The following MAML3 variants were observed in gnomAD, a reference collection of about 807,000 sequenced individuals.
MAML3 encodes the protein mastermind like transcriptional coactivator 3, also known as mastermind-like protein 3.
MAML3 carries 27 observed loss-of-function variants against 101.9 expected under a neutral mutation model. That is an observed-to-expected ratio of 0.27 (90% CI 0.20 to 0.37). MAML3 has a LOEUF of 0.37. Ranked by LOEUF, MAML3 falls within the 10% of genes least tolerant of loss-of-function variation. The pLI, the probability that MAML3 is intolerant of heterozygous loss-of-function variation, is 1.00. For missense variants in MAML3, 1,316 were observed against 1,444.9 expected (o/e 0.91, Z 1.45); for synonymous variants, 501 against 555.9 (o/e 0.90, Z 1.39).
intron 1 of MAML3, among the ~76,000 whole-genome samples, chr4:140,117,590 A>G (rs1728535812): frequency 6.6e-6 from 1 of 151,938 alleles, no homozygotes; most frequent in African/African-American, 2.4e-5. Flanking sequence ...TGGGTGACAG[A>G]GCGAGACCCT....
intron 1 of MAML3, among the ~76,000 whole-genome samples, chr4:140,109,605 T>A (rs1365166131): frequency 6.6e-6 from 1 of 152,170 alleles, no homozygotes; most frequent in Non-Finnish European, 1.5e-5. Context: ...TTCATCTTAT[T>A]AATAAAAAGT....
intron 1 of MAML3, among the ~76,000 whole-genome samples, chr4:139,941,183 C>T: frequency 6.6e-6 from 1 of 152,176 alleles, no homozygotes; most frequent in East Asian, 1.9e-4. Context: ...TTATTGGCAA[C>T]ACATACTGCC....
intron 1 of MAML3, among the ~76,000 whole-genome samples, chr4:139,936,752 T>C (rs1733513069): frequency 6.6e-6 from 1 of 152,186 alleles, no homozygotes; most frequent in Non-Finnish European, 1.5e-5. Context: ...ATATCTTTGT[T>C]TGCCCTTACC....
chr4:139,869,284 A>C (rs795985), intron 2 of MAML3, among the ~76,000 whole-genome samples: 125,992 of 152,180 alleles, frequency 0.83, 52,677 homozygotes, highest in African/African-American at 0.95. Flanking sequence ...TCTACTCTTT[A>C]CTCCAGTTGA....
intron 1 of MAML3, among the ~76,000 whole-genome samples, chr4:140,097,047 G>A (rs1010906652): frequency 6.6e-6 from 1 of 152,134 alleles, no homozygotes; most frequent in African/African-American, 2.4e-5. Context: ...CCCACCAAGA[G>A]TGCACAGCCT....
At position 139,872,220 on chromosome 4, in the gene MAML3, T is replaced by A. The variant is rs7686164; in HGVS notation, c.2079+17137A>T. The stretch of plus-strand genomic sequence containing the variant: ...TATGCTGTTATTATTTTAAAAAAAA[T>A]TTTTTAATCCAGCTTTTAGTAGAGG... On this transcript the variant is annotated intron_variant, in intron 2 of 4. Coordinates refer to ENST00000509479, the MANE Select transcript of MAML3 (RefSeq NM_018717.5). Among the ~76,000 whole-genome samples, 363 of 139,286 alleles carry A rather than the reference T, an allele frequency of 2.6e-3. 3 individuals carry two copies. Among genetic ancestry groups the A allele is most frequent in the African/African-American group, 9.7e-3 (333 of 34,496 alleles). The allele number at this position is 139,286 out of a possible 152,430, so 91.4% of individuals were successfully genotyped here. A position where few individuals can be genotyped will look rare whatever the true frequency, so the allele number is the denominator to read the frequency against.
chr4:140,138,115 C>T (rs976851906), intron 1 of MAML3, among the ~76,000 whole-genome samples: 2 of 152,176 alleles, frequency 1.3e-5, no homozygotes, highest in African/African-American at 4.8e-5. Context: ...GCCAGACATC[C>T]CTGATTGTCA....
At chr4:139,766,354 T>C (rs895690409) in intron 2 of MAML3, among the ~76,000 whole-genome samples, 1 of 152,174 alleles carries the variant, frequency 6.6e-6, no homozygotes, top group Non-Finnish European at 1.5e-5. Context: ...ATATTTTTAG[T>C]AGAGACGGGG....
At chr4:140,131,607 T>TA (rs1364929708) in intron 1 of MAML3, among the ~76,000 whole-genome samples, 1 of 152,218 alleles carries the variant, frequency 6.6e-6, no homozygotes, top group Non-Finnish European at 1.5e-5. Context: ...TTCTGGGTAA[T>TA]AGTCAACATC....
chr4:140,072,962 A>G (rs1326456891), intron 1 of MAML3, among the ~76,000 whole-genome samples: 1 of 152,096 alleles, frequency 6.6e-6, no homozygotes, highest in African/African-American at 2.4e-5. Flanking sequence ...CAATATGAGC[A>G]TTTCCTGGGT....
At chr4:139,782,365 C>T (rs1024407018) in intron 2 of MAML3, among the ~76,000 whole-genome samples, 7 of 152,060 alleles carry the variant, frequency 4.6e-5, no homozygotes, top group African/African-American at 1.2e-4. Context: ...GGGGGTCTCA[C>T]TATGTTGCCC....
At chr4:139,944,727 T>G (rs1454337173) in intron 1 of MAML3, among the ~76,000 whole-genome samples, 48 of 146,082 alleles carry the variant, frequency 3.3e-4, no homozygotes, top group African/African-American at 1.1e-3. Context: ...ATCAGAGAAA[T>G]GCAAATCAAA....
chr4:140,049,934 C>A (rs1727240894), intron 1 of MAML3, among the ~76,000 whole-genome samples: 1 of 151,790 alleles, frequency 6.6e-6, no homozygotes, highest in Admixed American at 6.6e-5. Flanking sequence ...ATCTTAAAAT[C>A]CATTTTAGCA....
chr4:139,902,878 G>A (rs1382017793), intron 1 of MAML3, among the ~76,000 whole-genome samples: 3 of 152,186 alleles, frequency 2.0e-5, no homozygotes, highest in Non-Finnish European at 4.4e-5. Context: ...AGCCCGGGTG[G>A]ACCCTTTAGT....
chr4:140,103,209 T>C (rs936112671), intron 1 of MAML3, among the ~76,000 whole-genome samples: 3 of 152,192 alleles, frequency 2.0e-5, no homozygotes, highest in Non-Finnish European at 4.4e-5. Flanking sequence ...AACCAAAAAA[T>C]TTCAAAGACC....
chr4:140,144,374 C>T (rs1167573124), intron 1 of MAML3, among the ~76,000 whole-genome samples: 1 of 151,812 alleles, frequency 6.6e-6, no homozygotes, highest in Non-Finnish European at 1.5e-5. Context: ...CAGCAAAAAC[C>T]CACCTCTACC....
chr4:139,943,667 T>C (rs1476512217), intron 1 of MAML3, among the ~76,000 whole-genome samples: 1 of 152,154 alleles, frequency 6.6e-6, no homozygotes, highest in Non-Finnish European at 1.5e-5. Context: ...TGGATGTGTA[T>C]CAACTTGAAT....
chr4:139,940,142 T>C (rs1323658243), intron 1 of MAML3, among the ~76,000 whole-genome samples: 1 of 152,214 alleles, frequency 6.6e-6, no homozygotes, highest in Admixed American at 6.5e-5. Flanking sequence ...CCAGCTGCCA[T>C]AGCTCTTTCA....
intron 1 of MAML3, among the ~76,000 whole-genome samples, chr4:139,913,514 G>A (rs1174286884): frequency 6.6e-6 from 1 of 152,082 alleles, no homozygotes; most frequent in Non-Finnish European, 1.5e-5. Flanking sequence ...AGTTTCATGG[G>A]GGAAAAGTCA....
Sources: gnomAD v4.1 joint callset for allele counts (sites outside exome capture counted in the v4.1 genomes callset) on GRCh38, gnomAD v4.1.1 for gene constraint, MANE v1.5 for transcripts, NCBI Gene and HGNC (gene_info 2026-07-23, HGNC 2026-07-21) for gene names.